Variants in SMIM35 observed in about 807,000 individuals in gnomAD.
SMIM35 encodes small integral membrane protein 35.
chr11:118,073,163 C>A lies in SMIM35; in HGVS notation c.7+13588G>T, dbSNP rs563517816. On this transcript the variant is annotated intron_variant, in intron 1 of 4. Transcript: ENST00000689828. ...ATGTTGGCCAGGCTGGTCTCAAACT[C>A]CTGACCTCAAGTGATCCACCTGCCT... Among the ~76,000 whole-genome samples, 41 of 152,320 alleles carry A rather than the reference C, an allele frequency of 2.7e-4. 1 individual carries two copies. In the South Asian group the frequency reaches 8.3e-3, roughly 31 times the overall value.
chr11:118,076,611 A>G (rs930532458), intron 1 of SMIM35, among the ~76,000 whole-genome samples: 7 of 152,234 alleles, frequency 4.6e-5, no homozygotes, highest in South Asian at 4.2e-4. Flanking sequence ...GGACAGCTTC[A>G]CTTCTGGGAT....
chr11:118,072,962 C>A (rs1385271967), intron 1 of SMIM35, among the ~76,000 whole-genome samples: 1 of 152,336 alleles, frequency 6.6e-6, no homozygotes, highest in African/African-American at 2.4e-5. Flanking sequence ...GCTCTGTCAC[C>A]CAGGCTGGAG....
At chr11:118,063,301 C>A (rs775730841) in intron 1 of SMIM35, among the ~76,000 whole-genome samples, 1 of 152,158 alleles carries the variant, frequency 6.6e-6, no homozygotes, top group Non-Finnish European at 1.5e-5. Context: ...GGATGGGGAC[C>A]CCTTTCCTAT....
At chr11:118,068,267 T>G (rs1485546612) in intron 1 of SMIM35, among the ~76,000 whole-genome samples, 1 of 151,962 alleles carries the variant, frequency 6.6e-6, no homozygotes, top group African/African-American at 2.4e-5. Flanking sequence ...CACCCCTGGT[T>G]TTCCACCTGA....
chr11:118,009,848 G>A (rs1178257821), intron 4 of SMIM35, among the ~76,000 whole-genome samples: 1 of 152,142 alleles, frequency 6.6e-6, no homozygotes, highest in Non-Finnish European at 1.5e-5. Flanking sequence ...CCAAAGAGGT[G>A]GAGTAAGTAG....
At chr11:118,084,096 A>C (rs1005657935) in intron 1 of SMIM35, among the ~76,000 whole-genome samples, 2 of 152,184 alleles carry the variant, frequency 1.3e-5, no homozygotes, top group Non-Finnish European at 2.9e-5. Context: ...AATGTACTAT[A>C]TGCTATGCAT....
chr11:118,047,480 A>G (rs1302657070), intron 1 of SMIM35, among the ~76,000 whole-genome samples: 1 of 151,296 alleles, frequency 6.6e-6, no homozygotes, highest in Non-Finnish European at 1.5e-5. Context: ...TTCTGCCCTG[A>G]CTCTTCCTCA....
chr11:118,024,024 AAAAG>A (rs1555071324), intron 1 of SMIM35, among the ~76,000 whole-genome samples: 1 of 152,024 alleles, frequency 6.6e-6, no homozygotes, highest in Non-Finnish European at 1.5e-5. Context: ...CCAAAAAAAA[AAAAG>A]AAAGAAAGAA....
intron 1 of SMIM35, among the ~76,000 whole-genome samples, chr11:118,063,333 G>A (rs4938474): frequency 0.27 from 40,622 of 151,972 alleles, 5,471 homozygotes; most frequent in South Asian, 0.3. Flanking sequence ...TCTTCTTTCT[G>A]TTTCTTTCAG....
intron 1 of SMIM35, among the ~76,000 whole-genome samples, chr11:118,038,665 C>A (rs1188415936): frequency 6.6e-5 from 10 of 150,738 alleles, no homozygotes; most frequent in African/African-American, 2.4e-4. Context: ...TCTCCTGGGG[C>A]ATTTGTTTTG....
chr11:118,068,440 G>A (rs571224340), intron 1 of SMIM35, among the ~76,000 whole-genome samples: 52 of 152,292 alleles, frequency 3.4e-4, no homozygotes, highest in South Asian at 3.3e-3. Context: ...TGCGGACAGC[G>A]CCTTATTCAT....
intron 1 of SMIM35, among the ~76,000 whole-genome samples, chr11:118,084,718 A>C (rs1945411141): frequency 1.3e-5 from 2 of 152,246 alleles, no homozygotes; most frequent in Non-Finnish European, 1.5e-5. Context: ...TCTATGTTTC[A>C]AGCACCAAGC....
rs930259160 is a variant in SMIM35 at position 118,049,271 on chromosome 11, G to A, written c.8-33462C>T. The stretch of plus-strand genomic sequence containing the variant: ...ACATTGAATTTGAGACACTGGCTGG[G>A]GACCCCAGAACCGTCTGTGAGTGAT... On this transcript the variant is annotated intron_variant, in intron 1 of 4. Transcript: ENST00000689828. Among the ~76,000 whole-genome samples, 8 of 151,894 alleles carry A rather than the reference G, an allele frequency of 5.3e-5. No homozygotes were observed. The South Asian group carries it at 1.0e-3, about 20-fold the overall frequency.
chr11:118,051,765 C>T (rs1565392520), intron 1 of SMIM35, among the ~76,000 whole-genome samples: 1 of 152,276 alleles, frequency 6.6e-6, no homozygotes, highest in East Asian at 1.9e-4. Flanking sequence ...TGTGGTTTCA[C>T]CTCTACAGTG....
intron 1 of SMIM35, among the ~76,000 whole-genome samples, chr11:118,081,751 G>GCATTCATTCATT (rs112018141): frequency 0.15 from 22,721 of 152,082 alleles, 1,871 homozygotes; most frequent in East Asian, 0.3. Context: ...AAATCTGTAT[G>GCATTCATTCATT]CATTCATTCA....
At chr11:118,021,053 T>TTTTTTGTTTGTTTTTG (rs202082772) in intron 1 of SMIM35, among the ~76,000 whole-genome samples, 10 of 150,290 alleles carry the variant, frequency 6.7e-5, no homozygotes, top group Admixed American at 1.3e-4. Context: ...TAAGGTTTTT[T>TTTTTTGTTTGTTTTTG]TTTTTACTAT....
At chr11:118,027,856 G>A (rs2058287421) in intron 1 of SMIM35, among the ~76,000 whole-genome samples, 1 of 152,148 alleles carries the variant, frequency 6.6e-6, no homozygotes, top group South Asian at 2.1e-4. Context: ...GTAGTATTTG[G>A]CCTAGGGGGA....
At chr11:118,040,736 A>G (rs1252644675) in intron 1 of SMIM35, among the ~76,000 whole-genome samples, 1 of 152,184 alleles carries the variant, frequency 6.6e-6, no homozygotes, top group African/African-American at 2.4e-5. Flanking sequence ...GCAATCATAC[A>G]AAATTATATA....
intron 1 of SMIM35, among the ~76,000 whole-genome samples, chr11:118,048,564 AG>A (rs1944144122): frequency 1.3e-5 from 1 of 79,106 alleles, no homozygotes; most frequent in Non-Finnish European, 3.0e-5. Context: ...GAAGGAAGGA[AG>A]GAAGGAAGGA....
Sources: gnomAD v4.1 joint callset for allele counts (sites outside exome capture counted in the v4.1 genomes callset) on GRCh38, gnomAD v4.1.1 for gene constraint, MANE v1.5 for transcripts, NCBI Gene and HGNC (gene_info 2026-07-23, HGNC 2026-07-21) for gene names.